CLCA1: variants seen among roughly 807,000 people sequenced by gnomAD.
CLCA1 encodes the protein calcium-activated chloride channel regulator 1.
In CLCA1, 59 loss-of-function variants were observed where a neutral mutation model predicts 85.6. That is an observed-to-expected ratio of 0.69 (90% confidence interval 0.56 to 0.86). CLCA1 has a LOEUF of 0.86. CLCA1 is among the 40% of genes least tolerant of loss of function. The probability of loss-of-function intolerance (pLI) is 0.00; values close to 1 mark genes in which losing one functional copy is unlikely to be tolerated. For missense variants in CLCA1, 1,022 were observed against 1,101.4 expected, an observed-to-expected ratio of 0.93 and a Z score of 1.02; for synonymous variants, 396 against 398.3, an observed-to-expected ratio of 0.99 and a Z score of 0.07.
chr1:86,491,910 C>T (rs1044389362), intron 9 of CLCA1, among the ~76,000 whole-genome samples: 1 of 152,148 alleles, frequency 6.6e-6, no homozygotes, highest in African/African-American at 2.4e-5. Flanking sequence ...AAGAACTTCA[C>T]CTCTGTGGAC....
At chr1:86,471,692 C>A (rs1272792772) in intron 1 of CLCA1, among the ~76,000 whole-genome samples, 2 of 152,086 alleles carry the variant, frequency 1.3e-5, no homozygotes, top group African/African-American at 4.8e-5. Context: ...TAATATTAAA[C>A]TCTCCTAGTG....
intron 3 of CLCA1, among the ~76,000 whole-genome samples, chr1:86,475,659 A>G (rs1181575790): frequency 1.3e-5 from 2 of 152,190 alleles, no homozygotes; most frequent in Non-Finnish European, 1.5e-5. Context: ...TCAAAGAAGA[A>G]TAAGAGTTAT....
chr1:86,473,758 T>C lies in CLCA1; in HGVS notation c.333T>C (p.Pro111=). Residue 111 remains proline (P), a synonymous_variant, in exon 3 of 14, where the codon CCT becomes CCC. Transcript: ENST00000394711. ...ATGTTCTGGTTGCTGAGTCTACTCC[T>C]CCAGGTAATGATGAACCCTACACTG... The part of the protein sequence containing the change: ...NADVLVAEST[P]PGNDEPYTEQ... 2 of 1,597,564 alleles carry C rather than the reference T, an allele frequency of 1.3e-6. No homozygotes were observed. Among genetic ancestry groups the C allele is most frequent in the Non-Finnish European group, 1.7e-6 (2 of 1,172,018 alleles).
chr1:86,473,925 T>C (rs1413480393), intron 3 of CLCA1, 49 bp downstream of exon 3: 2 of 1,368,240 alleles, frequency 1.5e-6, no homozygotes, highest in Non-Finnish European at 2.0e-6. Context: ...TATTTTATGT[T>C]CAAAGTGTAT....
intron 5 of CLCA1, among the ~76,000 whole-genome samples, chr1:86,484,047 C>T (rs573453198): frequency 1.3e-5 from 2 of 152,292 alleles, no homozygotes; most frequent in South Asian, 4.1e-4. Context: ...TGGGAACTCA[C>T]TCAATATCAC....
rs904199511 is a variant in CLCA1, at chr1:86,491,361, G to A, written c.1454G>A (p.Arg485His). The A allele has an allele frequency of 9.3e-6, 15 of 1,608,878 alleles. No individual in the cohort carries two copies. The highest frequency in any genetic ancestry group is 5.3e-5 in the African/African-American group (4 of 74,808). Residue 485 changes from arginine to histidine, a missense_variant, in exon 9 of 14, where the codon CGC becomes CAC. Coordinates refer to ENST00000394711, the MANE Select transcript of CLCA1 (RefSeq NM_001285.4). ...TCAGGAAATGGAGCTGTCTCTCAGC[G>A]CTCCATCCAGGTTGGAGTTCTTAAT... ...LSSGNGAVSQ[R>H]SIQLESKGLT...
At chr1:86,487,471 G>A (rs879373737) in intron 7 of CLCA1, among the ~76,000 whole-genome samples, 1 of 152,150 alleles carries the variant, frequency 6.6e-6, no homozygotes, top group Non-Finnish European at 1.5e-5. Context: ...CCCCTGGGGT[G>A]GAGTCTGGGT....
intron 1 of CLCA1, among the ~76,000 whole-genome samples, chr1:86,471,447 G>A (rs1008985169): frequency 6.6e-6 from 1 of 152,108 alleles, no homozygotes; most frequent in African/African-American, 2.4e-5. Context: ...AGGATATGAG[G>A]TCATTTTCTG....
rs1340824919 is a variant in CLCA1, at chr1:86,469,711, C to T, written c.162+578C>T. 2.6e-5 allele frequency among the ~76,000 whole-genome samples: 4 copies of T among 152,138 alleles called. No individual in the cohort carries two copies. In the East Asian group the frequency reaches 7.7e-4, roughly 29 times the overall value. On this transcript the variant is annotated intron_variant, in intron 1 of 13. Coordinates refer to ENST00000394711, the MANE Select transcript of CLCA1 (RefSeq NM_001285.4). ...AAGGGAAAGGAAGAAGACTTCCTGT[C>T]CTGGCAGGGGTATCTATACCATTGA...
intron 9 of CLCA1, among the ~76,000 whole-genome samples, chr1:86,491,869 TCG>T (rs1402202858): frequency 1.3e-5 from 2 of 152,188 alleles, no homozygotes; most frequent in Non-Finnish European, 1.5e-5. Context: ...ATCTTGGTCC[TCG>T]GTCTGCCATT....
Position 86,491,323 on chromosome 1 carries a change from T to C in CLCA1, c.1416T>C (p.Phe472=), listed in dbSNP as rs771726843. ...QVQNNGLIDA[F]GALSSGNGAV... ...AGAACAATGGCCTCATTGATGCTTTTGGGGCCCTTTCATCAGGAAATGGAG... is the reference window on the plus strand; with the variant it reads ...AGAACAATGGCCTCATTGATGCTTTCGGGGCCCTTTCATCAGGAAATGGAG... The change falls in exon 9 of 14, where the codon TTT becomes TTC. Residue 472 remains phenylalanine (F), a synonymous_variant. Coordinates refer to ENST00000394711, the MANE Select transcript of CLCA1 (RefSeq NM_001285.4). The C allele has an allele frequency of 1.3e-5, 21 of 1,613,642 alleles. No individual in the cohort carries two copies. The highest frequency in any genetic ancestry group is 2.2e-5 in the East Asian group (1 of 44,874).
intron 8 of CLCA1, among the ~76,000 whole-genome samples, chr1:86,490,470 G>C (rs2791504): frequency 0.41 from 62,613 of 152,040 alleles, 13,572 homozygotes; most frequent in Non-Finnish European, 0.48. Flanking sequence ...TATTCTGTAA[G>C]TGTCCCTTTG....
intron 4 of CLCA1, 103 bp from the exon 5 acceptor site, chr1:86,482,102 G>A (rs1047633072): frequency 1.3e-6 from 1 of 792,748 alleles, no homozygotes. Context: ...CTTGGATCAT[G>A]AGAGGAAAAT....
chr1:86,494,535 A>G, intron 11 of CLCA1, 87 bp downstream of exon 11: 1 of 1,436,930 alleles, frequency 7.0e-7, no homozygotes, highest in Non-Finnish European at 9.6e-7. Flanking sequence ...TGGTGAGGGC[A>G]GTTAGACAGG....
rs745353236 is a variant in CLCA1 at position 86,495,589 on chromosome 1, G to A, written c.2027G>A (p.Arg676Gln). Reference sequence around the variant, plus strand: ...AATGGTAGATACAGTGTAAAAGTGCGGGCTCTGGGAGGAGTTAACGCAGCC... The same window carrying A: ...AATGGTAGATACAGTGTAAAAGTGCAGGCTCTGGGAGGAGTTAACGCAGCC... ...DTNGRYSVKV[R>Q]ALGGVNAARR... The change falls in exon 12 of 14, where the codon CGG becomes CAG. Residue 676 changes from arginine to glutamine, a missense_variant. Transcript: ENST00000394711. 2.9e-5 allele frequency: 47 copies of A among 1,613,980 alleles called. No individual in the cohort carries two copies. Among genetic ancestry groups the A allele is most frequent in the Non-Finnish European group, 3.8e-5 (45 of 1,179,996 alleles).
At chr1:86,489,192 C>A (rs912827926) in intron 8 of CLCA1, 22 bp downstream of exon 8, 2 of 1,606,712 alleles carry the variant, frequency 1.2e-6, no homozygotes, top group Non-Finnish European at 1.7e-6. Context: ...TTTGCTGAGA[C>A]CCCCGGTATT....
In CLCA1 at chr1:86,482,261, G is replaced by C. The variant is rs761476920; in HGVS notation, c.614G>C (p.Cys205Ser). Residue 205 changes from cysteine to serine, a missense_variant, in exon 5 of 14, where the codon TGT becomes TCT. By Grantham distance (112) the Cys-to-Ser change is moderately radical (BLOSUM62 -1). Coordinates refer to ENST00000394711, the MANE Select transcript of CLCA1 (RefSeq NM_001285.4). ...NVVKKCQGGSCYTKRCTFNKV... is the reference protein window; with the variant it reads ...NVVKKCQGGSSYTKRCTFNKV... ...GTAAAGAAGTGTCAGGGAGGCAGCT[G>C]TTACACCAAAAGATGCACATTCAAT... 6.2e-7 allele frequency: 1 copy of C among 1,613,920 alleles called. No homozygotes were observed. The highest frequency in any genetic ancestry group is 1.7e-5 in the Admixed American group (1 of 60,028).
chr1:86,473,766 A>G lies in CLCA1; in HGVS notation c.341A>G (p.Asn114Ser). Residue 114 changes from asparagine (N) to serine (S), a missense_variant, in exon 3 of 14, where the codon AAT becomes AGT. Physicochemically the swap from Asn to Ser is conservative, Grantham distance 46. Transcript: ENST00000394711. ...GTTGCTGAGTCTACTCCTCCAGGTA[A>G]TGATGAACCCTACACTGAGCAGATG... is the stretch of plus-strand genomic sequence containing the variant. ...VLVAESTPPGNDEPYTEQMGN... is the reference protein window; with the variant it reads ...VLVAESTPPGSDEPYTEQMGN... 3 of 1,602,212 alleles carry G rather than the reference A, an allele frequency of 1.9e-6. No homozygotes were observed. Among genetic ancestry groups the G allele is most frequent in the Non-Finnish European group, 2.6e-6 (3 of 1,174,166 alleles).
Position 86,485,438 on chromosome 1 carries a change from T to C in CLCA1, c.831T>C (p.Arg277=). 1 of 1,614,170 alleles carries C rather than the reference T, an allele frequency of 6.2e-7. No homozygotes were observed. Reference sequence around the variant, plus strand: ...TCCGAAGCACATGGGAAGTGATCCGTGATTCTGAGGACTTTAAGAAAACCA... The same window carrying C: ...TCCGAAGCACATGGGAAGTGATCCGCGATTCTGAGGACTTTAAGAAAACCA... ...CNLRSTWEVI[R]DSEDFKKTTP... is the part of the protein sequence containing the mutation. The change falls in exon 6 of 14, where the codon CGT becomes CGC. Residue 277 remains arginine, a synonymous_variant. Coordinates refer to ENST00000394711, the MANE Select transcript of CLCA1 (RefSeq NM_001285.4).
Sources: allele counts gnomAD v4.1 joint callset (sites outside exome capture counted in the v4.1 genomes callset), GRCh38; gene constraint gnomAD v4.1.1; transcripts MANE v1.5; gene names NCBI Gene and HGNC (gene_info 2026-07-23, HGNC 2026-07-21).